Variants in VAT1L observed in about 807,000 individuals in gnomAD.
The protein encoded by VAT1L is vesicle amine transport 1 like, also known as putative NADPH-dependent quinone oxidoreductase VAT1L.
VAT1L carries 34 observed loss-of-function variants against 44.1 expected under a neutral mutation model. The observed-to-expected ratio is 0.77, with a 90% CI of 0.59 to 1.03. The LOEUF (loss-of-function observed/expected upper bound fraction) is 1.03, where lower values mean the gene tolerates loss of function less well. VAT1L is among the 50% of genes least tolerant of loss of function. The pLI is 0.00. For synonymous variants in VAT1L, 253 were observed against 202.2 expected, an observed-to-expected ratio of 1.25 and a Z score of -2.13; for missense variants, 615 against 538.8, an observed-to-expected ratio of 1.14 and a Z score of -1.40.
At chr16:77,899,518 C>T (rs1424105614) in intron 7 of VAT1L, among the ~76,000 whole-genome samples, 2 of 152,236 alleles carry the variant, frequency 1.3e-5, no homozygotes, top group African/African-American at 4.8e-5. Flanking sequence ...CTGTAAACTG[C>T]ATGCTGTGTA....
chr16:77,961,492 T>C (rs1054505180), intron 7 of VAT1L, among the ~76,000 whole-genome samples: 9 of 152,154 alleles, frequency 5.9e-5, no homozygotes, highest in Non-Finnish European at 1.2e-4. Context: ...GAAGAAACCA[T>C]TGTTCTCCAA....
intron 6 of VAT1L, among the ~76,000 whole-genome samples, chr16:77,883,710 G>A (rs868035447): frequency 9.9e-5 from 15 of 152,222 alleles, no homozygotes; most frequent in South Asian, 4.2e-4. Flanking sequence ...CATTGATTCA[G>A]TCCCAACAAT....
intron 7 of VAT1L, among the ~76,000 whole-genome samples, chr16:77,920,451 C>T (rs1269870808): frequency 6.6e-6 from 1 of 152,146 alleles, no homozygotes; most frequent in Non-Finnish European, 1.5e-5. Context: ...TTAGTAGGAA[C>T]AAAACAACTC....
intron 7 of VAT1L, among the ~76,000 whole-genome samples, chr16:77,949,233 G>A (rs964159539): frequency 4.2e-4 from 64 of 152,242 alleles, no homozygotes; most frequent in African/African-American, 1.4e-3. Context: ...ATCTCTGATC[G>A]ACTGCCTGCA....
chr16:77,834,997 A>G (rs528906104), intron 3 of VAT1L, among the ~76,000 whole-genome samples: 1 of 152,306 alleles, frequency 6.6e-6, no homozygotes, highest in South Asian at 2.1e-4. Context: ...AGTGTTAGCT[A>G]TCTTTATTAT....
intron 4 of VAT1L, among the ~76,000 whole-genome samples, chr16:77,872,132 C>T (rs1489684688): frequency 6.6e-6 from 1 of 152,156 alleles, no homozygotes; most frequent in African/African-American, 2.4e-5. Context: ...CTAAGTAACT[C>T]ACCTAAGGTC....
At chr16:77,859,230 T>C (rs766355646) in intron 3 of VAT1L, among the ~76,000 whole-genome samples, 7 of 151,556 alleles carry the variant, frequency 4.6e-5, no homozygotes, top group Non-Finnish European at 8.8e-5. Context: ...AGCCCAGGAG[T>C]TCAAGGTTGC....
intron 1 of VAT1L, among the ~76,000 whole-genome samples, chr16:77,804,508 T>C (rs943368583): frequency 6.6e-6 from 1 of 152,182 alleles, no homozygotes; most frequent in African/African-American, 2.4e-5. Context: ...GCATATGATC[T>C]GAATGTATTT....
intron 7 of VAT1L, among the ~76,000 whole-genome samples, chr16:77,936,871 CTTGT>C (rs142846091): frequency 0.21 from 31,530 of 150,510 alleles, 3,764 homozygotes; most frequent in South Asian, 0.28. Flanking sequence ...TGTTTGGTTT[CTTGT>C]TTGTTTGTTT....
intron 1 of VAT1L, among the ~76,000 whole-genome samples, chr16:77,807,654 T>G (rs1185760144): frequency 6.6e-6 from 1 of 152,154 alleles, no homozygotes; most frequent in Non-Finnish European, 1.5e-5. Context: ...CCTATGGCAT[T>G]TTCTTTGTGT....
At chr16:77,888,029 C>A in intron 7 of VAT1L, among the ~76,000 whole-genome samples, 1 of 152,306 alleles carries the variant, frequency 6.6e-6, no homozygotes, top group African/African-American at 2.4e-5. Context: ...CTGTCTTGAG[C>A]CTTCAAACAT....
chr16:77,943,843 T>G (rs2017924531), intron 7 of VAT1L, among the ~76,000 whole-genome samples: 1 of 152,182 alleles, frequency 6.6e-6, no homozygotes, highest in Non-Finnish European at 1.5e-5. Context: ...AGGATGCAAT[T>G]AGCATCACCA....
intron 7 of VAT1L, among the ~76,000 whole-genome samples, chr16:77,936,012 T>C (rs1288355897): frequency 6.6e-6 from 1 of 152,148 alleles, no homozygotes; most frequent in African/African-American, 2.4e-5. Flanking sequence ...TCCTTAATTT[T>C]CCTCTTTTGA....
intron 1 of VAT1L, among the ~76,000 whole-genome samples, chr16:77,814,412 G>A (rs1440736907): frequency 3.9e-5 from 6 of 152,200 alleles, no homozygotes; most frequent in Non-Finnish European, 7.3e-5. Context: ...GGGTGCTACA[G>A]GCTTTTGAAA....
intron 8 of VAT1L, among the ~76,000 whole-genome samples, chr16:77,976,844 G>A (rs1188247403): frequency 1.3e-5 from 2 of 152,170 alleles, no homozygotes; most frequent in Non-Finnish European, 2.9e-5. Flanking sequence ...ATTAACAAAA[G>A]AAAAGGAGTC....
intron 7 of VAT1L, among the ~76,000 whole-genome samples, chr16:77,897,132 A>C (rs1432934694): frequency 6.6e-6 from 1 of 152,212 alleles, no homozygotes; most frequent in Non-Finnish European, 1.5e-5. Flanking sequence ...ACTGTGCTGC[A>C]GACCAAGATT....
chr16:77,849,369 G>A (rs765382719), intron 3 of VAT1L, among the ~76,000 whole-genome samples: 2 of 152,106 alleles, frequency 1.3e-5, no homozygotes, highest in East Asian at 1.9e-4. Flanking sequence ...ATCATCATTC[G>A]TTCATCCATT....
chr16:77,813,352 G>A (rs1045293261), intron 1 of VAT1L, among the ~76,000 whole-genome samples: 2 of 152,140 alleles, frequency 1.3e-5, no homozygotes, highest in African/African-American at 2.4e-5. Flanking sequence ...GATTGATTAC[G>A]GTATTCGTTT....
At chr16:77,790,959 A>G (rs1018981933) in intron 1 of VAT1L, among the ~76,000 whole-genome samples, 23 of 152,182 alleles carry the variant, frequency 1.5e-4, no homozygotes, top group Non-Finnish European at 2.2e-4. Flanking sequence ...CACACACAGA[A>G]ATCACTGCAC....
Sources: gnomAD v4.1 joint callset for allele counts (sites outside exome capture counted in the v4.1 genomes callset) on GRCh38, gnomAD v4.1.1 for gene constraint, MANE v1.5 for transcripts, NCBI Gene and HGNC (gene_info 2026-07-23, HGNC 2026-07-21) for gene names.